The following KMT2C variants were observed in gnomAD, a reference collection of about 807,000 sequenced individuals.
KMT2C encodes lysine methyltransferase 2C.
In KMT2C, 88 loss-of-function variants were observed where a neutral mutation model predicts 507.9. That is an observed-to-expected ratio of 0.17 (90% CI 0.15 to 0.21). The LOEUF (loss-of-function observed/expected upper bound fraction) is 0.21, where lower values mean the gene tolerates loss of function less well. Among genes scored for constraint, KMT2C ranks in the 10% least tolerant of loss-of-function variants. KMT2C has a pLI of 1.00. For synonymous variants in KMT2C, 2,049 were observed against 2,080.8 expected (o/e 0.98, Z 0.42); for missense variants, 4,954 against 5,957.8 (o/e 0.83, Z 5.55).
chr7:152,321,281 ATTGT>A lies in KMT2C; in HGVS notation c.390-5947_390-5944del, dbSNP rs1315419938. On this transcript the variant is annotated intron_variant, in intron 3 of 58. Transcript: ENST00000262189. ...AATAAATTTGGAAACTAGAAAAGAT[ATTGT>A]TTAAGAATCTTTCACTTAAAATGGA... 3.3e-5 allele frequency among the ~76,000 whole-genome samples: 5 copies of A among 152,050 alleles called. No individual in the cohort carries two copies. In the East Asian group the frequency reaches 5.8e-4, roughly 18 times the overall value.
chr7:152,401,696 T>A (rs573721506), intron 1 of KMT2C, among the ~76,000 whole-genome samples: 452 of 151,214 alleles, frequency 3.0e-3, no homozygotes, highest in African/African-American at 0.01. Context: ...CTCAAAAAAA[T>A]AAATAAATAA....
At chr7:152,279,846 C>T (rs1185849377) in intron 6 of KMT2C, among the ~76,000 whole-genome samples, 6 of 152,282 alleles carry the variant, frequency 3.9e-5, no homozygotes, top group African/African-American at 1.2e-4. Flanking sequence ...CTGAATCACA[C>T]GCAAACCCCT....
intron 1 of KMT2C, among the ~76,000 whole-genome samples, chr7:152,374,002 G>A (rs939217899): frequency 3.3e-5 from 5 of 151,882 alleles, no homozygotes; most frequent in Admixed American, 2.0e-4. Context: ...CAGGGAAATC[G>A]AACAATGATA....
Position 152,171,295 on chromosome 7 carries a change from C to A in KMT2C, c.9422G>T (p.Gly3141Val), listed in dbSNP as rs1377241304. 6.2e-7 allele frequency: 1 copy of A among 1,610,354 alleles called. No individual in the cohort carries two copies. The highest frequency in any genetic ancestry group is 8.5e-7 in the Non-Finnish European group (1 of 1,178,206). Residue 3141 changes from glycine to valine, a missense_variant, in exon 40 of 59, where the codon GGA (glycine) becomes GTA (valine). Gly to Val is a moderately radical substitution (Grantham distance 109, BLOSUM62 -3). This residue lies in a region of KMT2C where 1,689 missense variants were observed against 1,654.3 expected (regional missense o/e 1.02). Transcript: ENST00000262189. ...QVVTGTQNSE[G>V]QNLGPQAIPQ... ...AATGGCCTGTGGTCCAAGGTTCTGTCCTTCACTGTTCTGTGTTCCAGTTAC... is the reference window on the plus strand; with the variant it reads ...AATGGCCTGTGGTCCAAGGTTCTGTACTTCACTGTTCTGTGTTCCAGTTAC...
intron 9 of KMT2C, among the ~76,000 whole-genome samples, chr7:152,258,113 G>T (rs1252457291): frequency 1.3e-5 from 2 of 152,118 alleles, no homozygotes; most frequent in Non-Finnish European, 2.9e-5. Context: ...AGGAATCTGG[G>T]TTACTTATTT....
chr7:152,391,106 T>G (rs2097490610), intron 1 of KMT2C, among the ~76,000 whole-genome samples: 1 of 109,148 alleles, frequency 9.2e-6, no homozygotes, highest in South Asian at 3.3e-4. Context: ...ATTGCACCAC[T>G]GCACTCCAGC....
In KMT2C at chr7:152,185,623, T is replaced by C. The variant is rs1482526837; in HGVS notation, c.5017A>G (p.Thr1673Ala). The stretch of plus-strand genomic sequence containing the variant: ...AATTTGGCAATTTGCTTCACTCTAG[T>C]AGTCCAATCTGCAACAAAAGAACAG... ...NLKEEFPDWT[T>A]RVKQIAKLWR... Residue 1673 changes from threonine to alanine, a missense_variant, in exon 34 of 59, where the codon ACT becomes GCT. Thr to Ala is a moderately conservative substitution (Grantham distance 58). This residue lies in a region of KMT2C where 24 missense variants were observed against 52.9 expected (regional missense o/e 0.45). Transcript: ENST00000262189. 2.5e-6 allele frequency: 4 copies of C among 1,611,464 alleles called. No individual in the cohort carries two copies. The highest frequency in any genetic ancestry group is 3.4e-6 in the Non-Finnish European group (4 of 1,178,290).
At chr7:152,176,049 A>G (rs2093192766) in intron 38 of KMT2C, 142 bp downstream of exon 38, 1 of 942,766 alleles carries the variant, frequency 1.1e-6, no homozygotes, top group Non-Finnish European at 1.6e-6. Flanking sequence ...TCTCAAAACA[A>G]AACAAACAAA....
chr7:152,172,663 C>A (rs975050896), intron 39 of KMT2C, among the ~76,000 whole-genome samples: 1 of 152,158 alleles, frequency 6.6e-6, no homozygotes, highest in Non-Finnish European at 1.5e-5. Context: ...CTATCCTGGG[C>A]AACAACAGCG....
At chr7:152,365,677 G>T (rs144800519) in intron 1 of KMT2C, among the ~76,000 whole-genome samples, 1 of 152,172 alleles carries the variant, frequency 6.6e-6, no homozygotes, top group African/African-American at 2.4e-5. Flanking sequence ...TTAGCCTCCC[G>T]GCCCAGTGTT....
chr7:152,373,320 C>T (rs1032480436), intron 1 of KMT2C, among the ~76,000 whole-genome samples: 1 of 152,188 alleles, frequency 6.6e-6, no homozygotes, highest in African/African-American at 2.4e-5. Context: ...GCACCCCCAA[C>T]ACCTAACAGC....
chr7:152,325,475 T>C lies in KMT2C; in HGVS notation c.389+5126A>G, dbSNP rs552171697. Among the ~76,000 whole-genome samples the C allele has an allele frequency of 2.2e-3, 336 of 151,666 alleles. 2 individuals carry two copies. The highest frequency in any genetic ancestry group is 7.9e-3 in the African/African-American group (327 of 41,358). ...TTTTCTTTTTATGTGTGTTTTTTTT[T>C]TTTGAGACAGGGTCTCACTATGTCA... On this transcript the variant is annotated intron_variant, in intron 3 of 58. Transcript: ENST00000262189.
intron 51 of KMT2C, 151 bp from the exon 52 acceptor site, chr7:152,149,303 T>G: frequency 1.6e-6 from 1 of 623,652 alleles, no homozygotes; most frequent in South Asian, 4.7e-5. Flanking sequence ...TGGGGGCTCA[T>G]GCACCGCAGA....
In KMT2C at chr7:152,325,346, A is replaced by G. The variant is rs1355785187; in HGVS notation, c.389+5255T>C. Among the ~76,000 whole-genome samples, 1,201 of 151,638 alleles carry G rather than the reference A, an allele frequency of 7.9e-3. 14 individuals are homozygous for G. The highest frequency in any genetic ancestry group is 9.4e-3 in the Non-Finnish European group (637 of 67,788). On this transcript the variant is annotated intron_variant, in intron 3 of 58. Coordinates refer to ENST00000262189, the MANE Select transcript of KMT2C (RefSeq NM_170606.3). ...GTATTTTTAGTAGAGATGGGGTTTC[A>G]CCATGTTGGCCAGGCTGGTCCCAAA... is the stretch of plus-strand genomic sequence containing the variant.
chr7:152,288,691 A>C (rs1404197917), intron 6 of KMT2C, among the ~76,000 whole-genome samples: 2 of 152,330 alleles, frequency 1.3e-5, no homozygotes, highest in Non-Finnish European at 2.9e-5. Flanking sequence ...CAAGAAATTG[A>C]ATAAATCCTA....
In KMT2C at chr7:152,177,462, G is replaced by A. The variant is rs371063203; in HGVS notation, c.7991C>T (p.Thr2664Ile). The change falls in exon 38 of 59, where the codon ACA (threonine) becomes ATA (isoleucine). Residue 2664 changes from threonine (T) to isoleucine (I), a missense_variant. Thr to Ile is a moderately conservative substitution (Grantham distance 89). This residue lies in a region of KMT2C where 1,689 missense variants were observed against 1,654.3 expected (regional missense o/e 1.02). Transcript: ENST00000262189. The stretch of plus-strand genomic sequence containing the variant: ...AGACGTTGTTTCAGACGGTACAGAT[G>A]TTGACAAAGGAGCTTCTGAAAATTC... Reference protein sequence around the residue: ...GGEFSEAPLSTSVPSETTSDN... With the variant: ...GGEFSEAPLSISVPSETTSDN... 2 of 1,614,082 alleles carry A rather than the reference G, an allele frequency of 1.2e-6. No homozygotes were observed. The highest frequency in any genetic ancestry group is 1.6e-4 in the Middle Eastern group (1 of 6,084).
At chr7:152,212,980 A>G (rs10246977) in intron 23 of KMT2C, among the ~76,000 whole-genome samples, 9,485 of 152,306 alleles carry the variant, frequency 0.062, 1,033 homozygotes, top group African/African-American at 0.22. Context: ...AGGAGGCGGC[A>G]GAGGTTGCAG....
chr7:152,407,685 A>AG (rs71272631), intron 1 of KMT2C, among the ~76,000 whole-genome samples: 124 of 147,108 alleles, frequency 8.4e-4, no homozygotes, highest in Admixed American at 2.3e-3. Flanking sequence ...AAAAAAAAAA[A>AG]GGTAGCAAAG....
chr7:152,352,363 G>C (rs1413314592), intron 2 of KMT2C, among the ~76,000 whole-genome samples: 1 of 152,156 alleles, frequency 6.6e-6, no homozygotes, highest in East Asian at 1.9e-4. Flanking sequence ...CCCTGGTCCT[G>C]TGGTCCTGTG....
Sources: gnomAD v4.1 joint callset for allele counts (sites outside exome capture counted in the v4.1 genomes callset) on GRCh38, gnomAD v4.1.1 for gene constraint, gnomAD v4.1.1 regional missense constraint, MANE v1.5 for transcripts, NCBI Gene and HGNC (gene_info 2026-07-23, HGNC 2026-07-21) for gene names.